CCSER1: variants seen among roughly 807,000 people sequenced by gnomAD.
CCSER1 encodes the protein coiled-coil serine rich protein 1.
A neutral mutation model predicts 82.0 loss-of-function variants in CCSER1; 41 were observed. That is an observed-to-expected ratio of 0.50 (90% confidence interval 0.39 to 0.65). The LOEUF is 0.65. Ranked by LOEUF, CCSER1 falls within the 30% of genes least tolerant of loss-of-function variation. The probability of loss-of-function intolerance (pLI) is 0.00; values close to 1 mark genes in which losing one functional copy is unlikely to be tolerated. For synonymous variants in CCSER1, 414 were observed against 383.9 expected, an observed-to-expected ratio of 1.08 and a Z score of -0.92; for missense variants, 1,119 against 1,064.2, an observed-to-expected ratio of 1.05 and a Z score of -0.72.
intron 7 of CCSER1, among the ~76,000 whole-genome samples, chr4:90,726,429 T>C (rs1743654412): frequency 6.6e-6 from 1 of 152,056 alleles, no homozygotes; most frequent in Admixed American, 6.6e-5. Flanking sequence ...TAGTAAGATA[T>C]ATTAAATTAA....
chr4:90,404,619 C>A (rs955135766), intron 4 of CCSER1, among the ~76,000 whole-genome samples: 1 of 152,298 alleles, frequency 6.6e-6, no homozygotes, highest in Admixed American at 6.5e-5. Context: ...ACTTCACTCC[C>A]CTGCTACCTC....
chr4:91,008,111 T>G (rs1220422630), intron 9 of CCSER1, among the ~76,000 whole-genome samples: 2 of 152,172 alleles, frequency 1.3e-5, no homozygotes, highest in African/African-American at 2.4e-5. Flanking sequence ...TACTTTTAAT[T>G]TTTAAAAATT....
chr4:90,491,123 T>G (rs1177503943), intron 5 of CCSER1, among the ~76,000 whole-genome samples: 3 of 152,078 alleles, frequency 2.0e-5, no homozygotes, highest in Non-Finnish European at 2.9e-5. Flanking sequence ...GTATGGCCAT[T>G]TTCACGATAT....
rs28684523 is a variant in CCSER1 at position 91,225,781 on chromosome 4, G to A, written c.2217+139787G>A. ...TGATTTTGATGGTTTCAATCTGTGC[G>A]ACATTGGGTAAATTGTCTTACATTG... On this transcript the variant is annotated intron_variant, in intron 10 of 10. Coordinates refer to ENST00000509176, the MANE Select transcript of CCSER1 (RefSeq NM_001145065.2). Among the ~76,000 whole-genome samples, 301 of 151,796 alleles carry A rather than the reference G, an allele frequency of 2.0e-3. 1 individual carries two copies. Among genetic ancestry groups the A allele is most frequent in the South Asian group, 5.6e-3 (27 of 4,814 alleles).
intron 10 of CCSER1, among the ~76,000 whole-genome samples, chr4:91,596,428 A>G (rs1420150562): frequency 2.0e-5 from 3 of 152,212 alleles, no homozygotes; most frequent in African/African-American, 7.2e-5. Flanking sequence ...TTTTTCCACA[A>G]TATTTCATAA....
At chr4:91,056,350 A>T (rs1008986504) in intron 9 of CCSER1, among the ~76,000 whole-genome samples, 1 of 152,184 alleles carries the variant, frequency 6.6e-6, no homozygotes, top group South Asian at 2.1e-4. Context: ...AGGCTAAGAA[A>T]TCCAAGAACA....
At chr4:91,139,247 AG>A (rs1336333078) in intron 10 of CCSER1, among the ~76,000 whole-genome samples, 2 of 151,904 alleles carry the variant, frequency 1.3e-5, no homozygotes, top group African/African-American at 2.4e-5. Flanking sequence ...TAGTATTCCA[AG>A]GTGTATATGT....
At chr4:90,318,701 TTACTA>T (rs1381057568) in intron 3 of CCSER1, among the ~76,000 whole-genome samples, 2 of 152,214 alleles carry the variant, frequency 1.3e-5, no homozygotes, top group East Asian at 1.9e-4. Flanking sequence ...GCCAAACACT[TTACTA>T]TTCATTTACT....
At chr4:91,444,760 T>A (rs1339321367) in intron 10 of CCSER1, among the ~76,000 whole-genome samples, 1 of 152,222 alleles carries the variant, frequency 6.6e-6, no homozygotes, top group African/African-American at 2.4e-5. Context: ...TCTTGCTTCT[T>A]CAAGCTAATG....
rs142558387 is a variant in CCSER1 at position 90,330,078 on chromosome 4, T to C, written c.1509+17031T>C. On this transcript the variant is annotated intron_variant, in intron 3 of 10. Coordinates refer to ENST00000509176, the MANE Select transcript of CCSER1 (RefSeq NM_001145065.2). ...CTTTAAGAATAAATTTTGAACGTAG[T>C]ATATTTAGTAGTAATGGTCATTTCT... Among the ~76,000 whole-genome samples, 211 of 152,228 alleles carry C rather than the reference T, an allele frequency of 1.4e-3. 1 individual carries two copies. Among genetic ancestry groups the C allele is most frequent in the Non-Finnish European group, 2.4e-3 (160 of 67,982 alleles).
At chr4:90,299,526 G>T (rs1560976434) in intron 1 of CCSER1, among the ~76,000 whole-genome samples, 1 of 151,944 alleles carries the variant, frequency 6.6e-6, no homozygotes, top group Non-Finnish European at 1.5e-5. Flanking sequence ...TCTTTTCTGT[G>T]ACTGATCATC....
intron 7 of CCSER1, among the ~76,000 whole-genome samples, chr4:90,740,594 A>G (rs1355993): frequency 0.14 from 21,259 of 152,210 alleles, 1,956 homozygotes; most frequent in Middle Eastern, 0.25. Flanking sequence ...CACACTGTCC[A>G]AATCATTTCA....
intron 10 of CCSER1, among the ~76,000 whole-genome samples, chr4:91,107,132 C>A (rs1236214037): frequency 1.3e-5 from 2 of 152,164 alleles, no homozygotes. Flanking sequence ...ACATGCTGTA[C>A]ATGTTTGTAG....
intron 6 of CCSER1, among the ~76,000 whole-genome samples, chr4:90,685,189 G>T (rs772391144): frequency 1.3e-5 from 2 of 152,002 alleles, no homozygotes; most frequent in African/African-American, 4.8e-5. Flanking sequence ...TAGAACTCAG[G>T]CTCTTTCCAA....
chr4:90,397,966 C>A (rs958081270), intron 3 of CCSER1, among the ~76,000 whole-genome samples: 1 of 152,172 alleles, frequency 6.6e-6, no homozygotes, highest in Non-Finnish European at 1.5e-5. Context: ...CCAGGGCTGC[C>A]ATAACAAAAT....
chr4:91,013,759 C>T (rs1401286380), intron 9 of CCSER1, among the ~76,000 whole-genome samples: 1 of 108,576 alleles, frequency 9.2e-6, no homozygotes, highest in African/African-American at 2.8e-5. Context: ...CCTGTCACCA[C>T]GCCCAGCTAT....
At chr4:90,913,079 G>A (rs984734992) in intron 8 of CCSER1, among the ~76,000 whole-genome samples, 4 of 152,190 alleles carry the variant, frequency 2.6e-5, no homozygotes, top group African/African-American at 9.7e-5. Flanking sequence ...ATATTATCCA[G>A]GAGAACTTCC....
At chr4:91,269,920 C>G (rs546328734) in intron 10 of CCSER1, among the ~76,000 whole-genome samples, 10 of 152,206 alleles carry the variant, frequency 6.6e-5, no homozygotes, top group Non-Finnish European at 1.0e-4. Flanking sequence ...CACAAATAAG[C>G]AAACCAAATC....
chr4:90,926,817 A>C (rs1729124736), intron 9 of CCSER1, among the ~76,000 whole-genome samples: 1 of 152,066 alleles, frequency 6.6e-6, no homozygotes, highest in African/African-American at 2.4e-5. Flanking sequence ...AGTTTATTGA[A>C]AGATCAAAGA....
Sources: gnomAD v4.1 joint callset for allele counts (sites outside exome capture counted in the v4.1 genomes callset) on GRCh38, gnomAD v4.1.1 for gene constraint, MANE v1.5 for transcripts, NCBI Gene and HGNC (gene_info 2026-07-23, HGNC 2026-07-21) for gene names.